Variants in BRPF3 observed in about 807,000 individuals in gnomAD.
The protein encoded by BRPF3 is bromodomain and PHD finger containing 3, also known as bromodomain and PHD finger-containing protein 3.
BRPF3 carries 18 observed loss-of-function variants against 102.0 expected under a neutral mutation model. The observed-to-expected ratio is 0.18, with a 90% CI of 0.12 to 0.26. BRPF3 has a LOEUF of 0.26. BRPF3 is among the 10% of genes least tolerant of loss of function. The probability of loss-of-function intolerance (pLI) is 1.00; values close to 1 mark genes in which losing one functional copy is unlikely to be tolerated. For synonymous variants in BRPF3, 570 were observed against 614.2 expected, an observed-to-expected ratio of 0.93 and a Z score of 1.06; for missense variants, 1,147 against 1,567.8, an observed-to-expected ratio of 0.73 and a Z score of 4.53.
In BRPF3 at chr6:36,230,937, G is replaced by A. The variant is rs1409597821; in HGVS notation, c.*328G>A. On this transcript the variant is annotated 3_prime_UTR_variant, in exon 13 of 13. Transcript: ENST00000357641. This position sits in a 1 kb window ranked among gnomAD's most constrained non-coding sequence, Gnocchi z 5.4. ...CAAGAGGTCCTGGGCTCCTTCTTGA[G>A]GGGCTGCCTGGCCCGCTCCATCCTA... 2 of 292,162 alleles carry A rather than the reference G, an allele frequency of 6.8e-6. No homozygotes were observed. The highest frequency in any genetic ancestry group is 2.2e-5 in the African/African-American group (1 of 45,816). The allele number at this position is 292,162 out of a possible 1,614,324, so 18.1% of individuals were successfully genotyped here.
intron 1 of BRPF3, among the ~76,000 whole-genome samples, chr6:36,199,184 TTACCACC>T (rs1283258517): frequency 1.3e-5 from 2 of 152,136 alleles, no homozygotes; most frequent in Non-Finnish European, 2.9e-5. Flanking sequence ...CAAGCGAGCA[TTACCACC>T]TGAGCTCTGC....
chr6:36,201,667 A>C lies in BRPF3; in HGVS notation c.1345A>C (p.Lys449Gln), dbSNP rs140145706. Residue 449 changes from lysine to glutamine, a missense_variant, in exon 2 of 13, where the codon AAG becomes CAG. This residue lies in a region of BRPF3 where 157 missense variants were observed against 163.6 expected (regional missense o/e 0.96). Transcript: ENST00000357641. The surrounding 1 kb of genome is among the most constrained non-coding windows in gnomAD (Gnocchi z 5.1). ...CCTCAAGGGAGTGCCCAAGAAAAGC[A>C]AGATGAGTTTGAAGCAGAAGATCAA... Reference protein sequence around the residue: ...GSLKGVPKKSKMSLKQKIKKE... With the variant: ...GSLKGVPKKSQMSLKQKIKKE... 153 of 1,614,246 alleles carry C rather than the reference A, an allele frequency of 9.5e-5. No individual in the cohort carries two copies. The African/African-American group carries it at 1.8e-3, about 19-fold the overall frequency.
Position 36,201,578 on chromosome 6 carries a change from A to AGGAGGAAGAAGAGGAAGAGGT in BRPF3, c.1270_1290dup (p.Glu424_Glu430dup), listed in dbSNP as rs1767701426. On this transcript the variant is annotated inframe_insertion, in exon 2 of 13. Transcript: ENST00000357641. The surrounding 1 kb of genome is among the most constrained non-coding windows in gnomAD (Gnocchi z 5.1). ...GAAGGGCTGAAGGAGGGTGATGGAG[A>AGGAGGAAGAAGAGGAAGAGGT]GGAGGAAGAAGAGGAAGAGGTGGAG... 29 of 1,613,858 alleles carry AGGAGGAAGAAGAGGAAGAGGT rather than the reference A, an allele frequency of 1.8e-5. 1 individual carries two copies. Among genetic ancestry groups the AGGAGGAAGAAGAGGAAGAGGT allele is most frequent in the Non-Finnish European group, 2.4e-5 (28 of 1,179,930 alleles).
rs1224742422 is a variant in BRPF3, at chr6:36,210,884, T to C, written c.2179+356T>C. 6.6e-6 allele frequency among the ~76,000 whole-genome samples: 1 copy of C among 152,058 alleles called. No homozygotes were observed. The highest frequency in any genetic ancestry group is 1.5e-5 in the Non-Finnish European group (1 of 67,986). Reference sequence around the variant, plus strand: ...GTGTGTGTTTGGCTCATTCAGAAGATTGCAGGTGGAGGACCAGAAAAATGG... The same window carrying C: ...GTGTGTGTTTGGCTCATTCAGAAGACTGCAGGTGGAGGACCAGAAAAATGG... On this transcript the variant is annotated intron_variant, in intron 6 of 12. Transcript: ENST00000357641. The surrounding 1 kb of genome is among the most constrained non-coding windows in gnomAD (Gnocchi z 4.7).
rs372570612 is a variant in BRPF3 at position 36,201,635 on chromosome 6, G to C, written c.1313G>C (p.Ser438Thr). The C allele has an allele frequency of 3.7e-6, 6 of 1,614,072 alleles. No individual in the cohort carries two copies. Among genetic ancestry groups the C allele is most frequent in the Non-Finnish European group, 5.1e-6 (6 of 1,180,008 alleles). The change falls in exon 2 of 13, where the codon AGT becomes ACT. Residue 438 changes from serine to threonine, a missense_variant. This residue lies in a region of BRPF3 where 157 missense variants were observed against 163.6 expected (regional missense o/e 0.96). Transcript: ENST00000357641. This position sits in a 1 kb window ranked among gnomAD's most constrained non-coding sequence, Gnocchi z 5.1. ...GAGCAGGAAGCTCAAGGCGGGGTGA[G>C]TGGCTCCCTCAAGGGAGTGCCCAAG... is the stretch of plus-strand genomic sequence containing the variant. Reference protein sequence around the residue: ...EEEQEAQGGVSGSLKGVPKKS... With the variant: ...EEEQEAQGGVTGSLKGVPKKS...
At position 36,211,056 on chromosome 6, in the gene BRPF3, C is replaced by T. The variant is rs1045349078; in HGVS notation, c.2180-202C>T. On this transcript the variant is annotated intron_variant, in intron 6 of 12. Coordinates refer to ENST00000357641, the MANE Select transcript of BRPF3 (RefSeq NM_015695.3). ...GTGACTGTGAACTGCTTCCTGCAGA[C>T]GTTTCCCAGATTCTGACCTTGCCCC... The T allele has an allele frequency of 5.9e-5, 37 of 622,176 alleles. No homozygotes were observed. In the Admixed American group the frequency reaches 9.1e-4, roughly 15 times the overall value. The allele number at this position is 622,176 out of a possible 1,614,324, so 38.5% of individuals were successfully genotyped here.
At chr6:36,219,941 T>C (rs1768475422) in intron 9 of BRPF3, among the ~76,000 whole-genome samples, 1 of 152,264 alleles carries the variant, frequency 6.6e-6, no homozygotes, top group Non-Finnish European at 1.5e-5. Context: ...GTGCTTTCTA[T>C]AGATCACTCA....
intron 2 of BRPF3, among the ~76,000 whole-genome samples, chr6:36,203,695 G>A (rs900820938): frequency 2.6e-5 from 4 of 152,308 alleles, no homozygotes; most frequent in Non-Finnish European, 5.9e-5. Context: ...TTGTTTCAAT[G>A]GAGTGGCATG....
intron 3 of BRPF3, among the ~76,000 whole-genome samples, chr6:36,206,697 A>G (rs1185998494): frequency 6.6e-6 from 1 of 152,210 alleles, no homozygotes; most frequent in Non-Finnish European, 1.5e-5. Context: ...AACTCTAGTA[A>G]GAGTCTTCAC....
In BRPF3 at chr6:36,201,428, G is replaced by A; in HGVS notation, c.1106G>A (p.Ser369Asn). Residue 369 changes from serine (S) to asparagine (N), a missense_variant, in exon 2 of 13, where the codon AGC becomes AAC. Physicochemically the swap from Ser to Asn is conservative, Grantham distance 46. Transcript: ENST00000357641. The surrounding 1 kb of genome is among the most constrained non-coding windows in gnomAD (Gnocchi z 5.1). ...FMKIEPMRET[S>N]LNGTIFTVRK... ...AAGATTGAGCCCATGCGCGAAACCA[G>A]CCTCAATGGCACCATCTTTACAGTG... 4 of 1,614,212 alleles carry A rather than the reference G, an allele frequency of 2.5e-6. No individual in the cohort carries two copies. The highest frequency in any genetic ancestry group is 3.4e-6 in the Non-Finnish European group (4 of 1,180,052).
rs1182273997 is a variant in BRPF3 at position 36,214,192 on chromosome 6, A to G, written c.2795A>G (p.Lys932Arg). ...GGTCGCCGCACATCAGTCCTCTTCA[A>G]GAAGGCCAAGAATGGGGTTAAGCTA... ...GVGRRTSVLFKKAKNGVKLQR... is the reference protein window; with the variant it reads ...GVGRRTSVLFRKAKNGVKLQR... The change falls in exon 8 of 13, where the codon AAG becomes AGG. Residue 932 changes from lysine (K) to arginine (R), a missense_variant. Transcript: ENST00000357641. 2 of 1,614,048 alleles carry G rather than the reference A, an allele frequency of 1.2e-6. No homozygotes were observed. Among genetic ancestry groups the G allele is most frequent in the African/African-American group, 1.3e-5 (1 of 74,922 alleles).
chr6:36,224,291 C>T (rs1393079948), intron 10 of BRPF3, among the ~76,000 whole-genome samples: 1 of 152,016 alleles, frequency 6.6e-6, no homozygotes, highest in African/African-American at 2.4e-5. Context: ...GGACTTTTTT[C>T]CTTGGTTGAG....
intron 11 of BRPF3, among the ~76,000 whole-genome samples, chr6:36,227,305 C>T (rs886735511): frequency 9.2e-5 from 14 of 151,624 alleles, no homozygotes; most frequent in African/African-American, 1.9e-4. Context: ...AAAATAGAGG[C>T]GAAAAAACAC....
At chr6:36,205,100 G>C (rs535426694) in intron 3 of BRPF3, among the ~76,000 whole-genome samples, 1 of 152,354 alleles carries the variant, frequency 6.6e-6, no homozygotes, top group Admixed American at 6.5e-5. Flanking sequence ...CAGAAAGCCA[G>C]AAGTAGGCTG....
At chr6:36,207,854 AT>A (rs1479880976) in intron 4 of BRPF3, among the ~76,000 whole-genome samples, 1 of 152,188 alleles carries the variant, frequency 6.6e-6, no homozygotes, top group Non-Finnish European at 1.5e-5. Context: ...GTCCTGAATC[AT>A]TTACATTTTC....
At chr6:36,199,230 T>A (rs1298272581) in intron 1 of BRPF3, among the ~76,000 whole-genome samples, 1 of 152,058 alleles carries the variant, frequency 6.6e-6, no homozygotes, top group African/African-American at 2.4e-5. Context: ...CTGCTTTGGA[T>A]TCTCATAGGA....
chr6:36,199,012 A>G (rs911320972), intron 1 of BRPF3, among the ~76,000 whole-genome samples: 1 of 152,198 alleles, frequency 6.6e-6, no homozygotes, highest in Non-Finnish European at 1.5e-5. Flanking sequence ...ACAGGCCACT[A>G]TAACTTCAGA....
chr6:36,206,077 A>G (rs985999528), intron 3 of BRPF3, among the ~76,000 whole-genome samples: 6 of 152,184 alleles, frequency 3.9e-5, no homozygotes, highest in Admixed American at 6.5e-5. Context: ...GGCTTTATCA[A>G]CATGGGTTTT....
chr6:36,209,636 G>T, intron 4 of BRPF3, 151 bp from the exon 5 acceptor site: 1 of 868,108 alleles, frequency 1.2e-6, no homozygotes, highest in Non-Finnish European at 1.7e-6. Flanking sequence ...CTAGGCTAAA[G>T]GTTGGGTGAT....
Sources: allele counts gnomAD v4.1 joint callset (sites outside exome capture counted in the v4.1 genomes callset), GRCh38; gene constraint gnomAD v4.1.1; regional missense constraint gnomAD v4.1.1; non-coding constraint Gnocchi (gnomAD v3.1); transcripts MANE v1.5; gene names NCBI Gene and HGNC (gene_info 2026-07-23, HGNC 2026-07-21).